Variants in CDC42BPB observed in about 807,000 individuals in gnomAD.
CDC42BPB encodes serine/threonine-protein kinase MRCK beta.
CDC42BPB carries 37 observed loss-of-function variants against 214.9 expected under a neutral mutation model. The observed-to-expected ratio is 0.17, with a 90% confidence interval of 0.13 to 0.23. The LOEUF is 0.23. Among genes scored for constraint, CDC42BPB ranks in the 10% least tolerant of loss-of-function variants. The pLI, the probability that CDC42BPB is intolerant of heterozygous loss-of-function variation, is 1.00. For synonymous variants in CDC42BPB, 931 were observed against 884.0 expected (o/e 1.05, Z -0.94); for missense variants, 1,694 against 2,227.0 (o/e 0.76, Z 4.82).
At chr14:103,019,853 G>A (rs749832401) in intron 1 of CDC42BPB, among the ~76,000 whole-genome samples, 1 of 152,228 alleles carries the variant, frequency 6.6e-6, no homozygotes, top group Non-Finnish European at 1.5e-5. Context: ...CGACAAATAT[G>A]AGATCTAAAC....
rs1270220706 is a variant in CDC42BPB at position 103,057,307 on chromosome 14, C to G, written c.-134G>C. The G allele has an allele frequency of 4.7e-6, 5 of 1,058,594 alleles. No homozygotes were observed. In the East Asian group the frequency reaches 2.2e-4, roughly 46 times the overall value. The allele number at this position is 1,058,594 out of a possible 1,614,324, so 65.6% of individuals were successfully genotyped here. A position where few individuals can be genotyped will look rare whatever the true frequency, so the allele number is the denominator to read the frequency against. On this transcript the variant is annotated 5_prime_UTR_variant, in exon 1 of 37. Transcript: ENST00000361246. ...CGCCTCCTCGCCGCCCCGTCCGCGT[C>G]GTCGCGCCCCGGCCTAGGCCGACAT...
At chr14:102,934,486 A>ATG in intron 36 of CDC42BPB, among the ~76,000 whole-genome samples, 1 of 152,178 alleles carries the variant, frequency 6.6e-6, no homozygotes. Context: ...GTGAGCCGAG[A>ATG]CTGCACCACT....
rs754926991 is a variant in CDC42BPB at position 103,003,965 on chromosome 14, G to A, written c.410C>T (p.Thr137Ile). The A allele has an allele frequency of 1.2e-6, 2 of 1,611,824 alleles. No homozygotes were observed. Among genetic ancestry groups the A allele is most frequent in the Non-Finnish European group, 1.7e-6 (2 of 1,179,502 alleles). Residue 137 changes from threonine to isoleucine, a missense_variant, in exon 4 of 37, where the codon ACC (threonine) becomes ATC (isoleucine). Transcript: ENST00000361246. Reference protein sequence around the residue: ...VLVNGDCQWITALHYAFQDEN... With the variant: ...VLVNGDCQWIIALHYAFQDEN... ...GTCCTGAAAGGCGTAGTGCAGCGCG[G>A]TGATCCACTGGCAGTCGCCGTTCAC...
chr14:103,051,845 G>T (rs1308792271), intron 1 of CDC42BPB, among the ~76,000 whole-genome samples: 1 of 149,666 alleles, frequency 6.7e-6, no homozygotes, highest in African/African-American at 2.5e-5. Context: ...GAAGGAAGAG[G>T]TTTTTTGTTT....
intron 3 of CDC42BPB, 118 bp downstream of exon 3, chr14:103,008,354 C>T (rs551294398): frequency 4.1e-5 from 29 of 714,018 alleles, no homozygotes; most frequent in African/African-American, 5.2e-5. Flanking sequence ...TCGCTCTGTC[C>T]GGGGGGCAGG....
rs752164529 is a variant in CDC42BPB, at chr14:102,947,831, G to A, written c.3450-29C>T. The A allele has an allele frequency of 9.3e-6, 15 of 1,611,190 alleles. No homozygotes were observed. The South Asian group carries it at 1.5e-4, about 17-fold the overall frequency. ...GTAAGGAAGAAACATTGACCCCGCT[G>A]GGAGACACGCGCACAGGACCCAAGG... On this transcript the variant is annotated intron_variant, in intron 26 of 36. Coordinates refer to ENST00000361246, the MANE Select transcript of CDC42BPB (RefSeq NM_006035.4).
intron 19 of CDC42BPB, among the ~76,000 whole-genome samples, chr14:102,963,945 C>G (rs1456766674): frequency 1.3e-5 from 2 of 152,206 alleles, no homozygotes; most frequent in African/African-American, 4.8e-5. Flanking sequence ...TTTTATGAAA[C>G]TGACGTTCAT....
At chr14:102,993,617 C>T (rs1894597010) in intron 5 of CDC42BPB, among the ~76,000 whole-genome samples, 1 of 152,154 alleles carries the variant, frequency 6.6e-6, no homozygotes, top group African/African-American at 2.4e-5. Flanking sequence ...AGCCCTTCCC[C>T]TACCCTCCCC....
intron 7 of CDC42BPB, 130 bp downstream of exon 7, chr14:102,983,426 G>T: frequency 7.1e-7 from 1 of 1,414,198 alleles, no homozygotes; most frequent in Non-Finnish European, 9.4e-7. Context: ...CCCCAGTTTG[G>T]TCCAAACCCC....
chr14:102,968,920 GTGCCCAGGTC>G (rs1314480007), intron 14 of CDC42BPB: 1 of 984,736 alleles, frequency 1.0e-6, no homozygotes, highest in Non-Finnish European at 1.2e-6. Flanking sequence ...GCAGGGGGAT[GTGCCCAGGTC>G]TGCCTGGGAC....
At chr14:103,014,044 C>T (rs551685299) in intron 1 of CDC42BPB, among the ~76,000 whole-genome samples, 16 of 152,092 alleles carry the variant, frequency 1.1e-4, no homozygotes, top group African/African-American at 3.9e-4. Context: ...CGGGCGCCTG[C>T]GGTCCCAGTT....
At chr14:102,977,317 C>T (rs956452599) in intron 9 of CDC42BPB, among the ~76,000 whole-genome samples, 8 of 126,838 alleles carry the variant, frequency 6.3e-5, no homozygotes, top group South Asian at 2.5e-4. Context: ...CCAGCCTGGG[C>T]GACAGAGCGA....
At position 102,972,053 on chromosome 14, in the gene CDC42BPB, T is replaced by C; in HGVS notation, c.1750A>G (p.Met584Val). 2.5e-6 allele frequency: 4 copies of C among 1,614,278 alleles called. 1 individual carries two copies. The East Asian group carries it at 6.7e-5, about 27-fold the overall frequency. The change falls in exon 13 of 37, where the codon ATG (methionine) becomes GTG (valine). Residue 584 changes from methionine (M) to valine (V), a missense_variant. Met to Val is a conservative substitution (Grantham distance 21). Transcript: ENST00000361246. ...LQEFSELNER[M>V]AELRAQKQKV... ...TGCTTCTGGGCACGGAGCTCTGCCA[T>C]GCGCTCGTTCAGCTCCGAGAACTCC... is the stretch of plus-strand genomic sequence containing the variant.
chr14:103,012,260 G>T, intron 1 of CDC42BPB, 72 bp from the exon 2 acceptor site: 1 of 1,488,710 alleles, frequency 6.7e-7, no homozygotes. Context: ...AATTGAGTGG[G>T]GTGTTGCACT....
At position 103,001,696 on chromosome 14, in the gene CDC42BPB, G is replaced by A. The variant is rs1026681388; in HGVS notation, c.448-1983C>T. Among the ~76,000 whole-genome samples, 2 of 152,328 alleles carry A rather than the reference G, an allele frequency of 1.3e-5. No individual in the cohort carries two copies. Among genetic ancestry groups the A allele is most frequent in the South Asian group, 4.1e-4 (2 of 4,820 alleles). The stretch of plus-strand genomic sequence containing the variant: ...GCACACTGCAGGCATTCCAGAGGGA[G>A]CGGCCCCGGCAGCTGACGGACACAC... On this transcript the variant is annotated intron_variant, in intron 4 of 36. Transcript: ENST00000361246. The surrounding 1 kb of genome is among the most constrained non-coding windows in gnomAD (Gnocchi z 5.8).
At chr14:102,972,408 C>G (rs767781851) in intron 12 of CDC42BPB, 3 of 857,854 alleles carry the variant, frequency 3.5e-6, no homozygotes, top group Non-Finnish European at 4.2e-6. Flanking sequence ...CCCCACAGGC[C>G]GGGCACAGTG....
chr14:102,942,768 G>C (rs1440143609), intron 30 of CDC42BPB, among the ~76,000 whole-genome samples: 2 of 151,840 alleles, frequency 1.3e-5, no homozygotes, highest in African/African-American at 2.4e-5. Flanking sequence ...GCAGTGGCGC[G>C]ATCTTGGATC....
Position 103,001,743 on chromosome 14 carries a change from T to TGAAC in CDC42BPB, c.448-2034_448-2031dup, listed in dbSNP as rs941214256. On this transcript the variant is annotated intron_variant, in intron 4 of 36. Transcript: ENST00000361246. The surrounding 1 kb of genome is among the most constrained non-coding windows in gnomAD (Gnocchi z 5.8). ...ACACACGGGGCCAGGGGAGATGCGG[T>TGAAC]GAACGAACGGCCAGGCCCTCGGGCC... Among the ~76,000 whole-genome samples, 4 of 152,036 alleles carry TGAAC rather than the reference T, an allele frequency of 2.6e-5. No homozygotes were observed. The highest frequency in any genetic ancestry group is 5.9e-5 in the Non-Finnish European group (4 of 67,984).
chr14:102,958,429 G>A (rs973279701), intron 21 of CDC42BPB, among the ~76,000 whole-genome samples: 1 of 152,164 alleles, frequency 6.6e-6, no homozygotes, highest in Non-Finnish European at 1.5e-5. Context: ...CAGGGCTGGA[G>A]TTTTCTAAAT....
Sources: allele counts gnomAD v4.1 joint callset (sites outside exome capture counted in the v4.1 genomes callset), GRCh38; gene constraint gnomAD v4.1.1; non-coding constraint Gnocchi (gnomAD v3.1); transcripts MANE v1.5; gene names NCBI Gene and HGNC (gene_info 2026-07-23, HGNC 2026-07-21).